Variants in KLF12 observed in about 807,000 individuals in gnomAD.
KLF12 encodes the protein KLF transcription factor 12.
Under a neutral mutation model 37.8 loss-of-function variants are expected in KLF12, and 9 were observed. The ratio of observed to expected loss-of-function variants is 0.24; its 90% CI spans 0.14 to 0.42. The LOEUF (loss-of-function observed/expected upper bound fraction) is 0.42, where lower values mean the gene tolerates loss of function less well. KLF12 is among the 10% of genes least tolerant of loss of function. The pLI, the probability that KLF12 is intolerant of heterozygous loss-of-function variation, is 1.00. For synonymous variants in KLF12, 208 were observed against 202.1 expected (o/e 1.03, Z -0.25); for missense variants, 411 against 516.0 (o/e 0.80, Z 1.97).
chr13:74,126,216 C>T (rs1408985105), intron 1 of KLF12, among the ~76,000 whole-genome samples: 3 of 151,922 alleles, frequency 2.0e-5, no homozygotes, highest in Non-Finnish European at 2.9e-5. Context: ...GATTACTATA[C>T]CTATATTATA....
At chr13:74,247,896 C>T in the KLF12 span, among the ~76,000 whole-genome samples, 36 of 152,166 alleles carry the variant, frequency 2.4e-4, no homozygotes, top group Non-Finnish European at 5.1e-4. Context: ...GAGAGGATCA[C>T]AGAAGCTAAT....
the KLF12 span, among the ~76,000 whole-genome samples, chr13:74,256,457 G>A: frequency 1.7e-4 from 26 of 152,164 alleles, no homozygotes; most frequent in African/African-American, 5.3e-4. Flanking sequence ...GTGGATCTGG[G>A]TGGGACTGTA....
chr13:74,100,115 G>C (rs1170495145), intron 1 of KLF12, among the ~76,000 whole-genome samples: 1 of 152,096 alleles, frequency 6.6e-6, no homozygotes, highest in African/African-American at 2.4e-5. Flanking sequence ...AGGGGTTGTG[G>C]GGGTGAAGGA....
At chr13:74,092,460 C>CT (rs1367691736) in intron 1 of KLF12, among the ~76,000 whole-genome samples, 2 of 93,398 alleles carry the variant, frequency 2.1e-5, no homozygotes, top group East Asian at 1.3e-3. Context: ...CCCGTCTCTA[C>CT]TAAAAAAAAA....
At chr13:74,056,810 C>T (rs1350403384) in intron 1 of KLF12, among the ~76,000 whole-genome samples, 2 of 152,122 alleles carry the variant, frequency 1.3e-5, no homozygotes, top group African/African-American at 4.8e-5. Flanking sequence ...GCCATGTCTG[C>T]CTTTTTTGGG....
intron 3 of KLF12, among the ~76,000 whole-genome samples, chr13:73,907,415 T>A (rs1022543688): frequency 3.3e-5 from 5 of 152,216 alleles, no homozygotes; most frequent in Admixed American, 3.3e-4. Flanking sequence ...GCTCTACTGA[T>A]CTAAATTCTG....
At chr13:73,721,436 CAT>C (rs1428688676) in intron 6 of KLF12, among the ~76,000 whole-genome samples, 1 of 152,214 alleles carries the variant, frequency 6.6e-6, no homozygotes, top group East Asian at 1.9e-4. Context: ...AACGATAAGA[CAT>C]ATACTTTTCT....
chr13:74,064,423 C>T (rs1873790758), intron 1 of KLF12, among the ~76,000 whole-genome samples: 1 of 151,932 alleles, frequency 6.6e-6, no homozygotes, highest in Non-Finnish European at 1.5e-5. Flanking sequence ...ATTATAAAGT[C>T]ACATAACTTT....
At chr13:74,198,762 A>C in the KLF12 span, among the ~76,000 whole-genome samples, 1 of 152,180 alleles carries the variant, frequency 6.6e-6, no homozygotes, top group Admixed American at 6.5e-5. Flanking sequence ...AGTGGCTGAG[A>C]GAGGGCTCAT....
intron 1 of KLF12, among the ~76,000 whole-genome samples, chr13:74,019,533 T>C (rs927321974): frequency 8.5e-5 from 13 of 152,248 alleles, no homozygotes; most frequent in Non-Finnish European, 1.5e-4. Context: ...TAGGTCTTTT[T>C]AACTTACAAG....
intron 3 of KLF12, among the ~76,000 whole-genome samples, chr13:73,904,469 C>CTTTTTTTTTTTTTTT (rs11342071): frequency 3.0e-4 from 28 of 92,016 alleles, no homozygotes; most frequent in Non-Finnish European, 4.6e-4. Flanking sequence ...TCTTTCTTTC[C>CTTTTTTTTTTTTTTT]TTTTTTTTTT....
chr13:74,276,009 G>A, the KLF12 span, among the ~76,000 whole-genome samples: 6,114 of 148,708 alleles, frequency 0.041, 407 homozygotes, highest in African/African-American at 0.14. Context: ...TGTGCAGAAC[G>A]TGCAGGTTTC....
intron 6 of KLF12, among the ~76,000 whole-genome samples, chr13:73,759,909 T>C (rs1364159100): frequency 6.6e-6 from 1 of 152,230 alleles, no homozygotes; most frequent in Non-Finnish European, 1.5e-5. Flanking sequence ...GAAAAAGGTT[T>C]AAGCAAGAAA....
intron 2 of KLF12, among the ~76,000 whole-genome samples, chr13:73,954,197 C>G (rs2031428): frequency 0.079 from 11,984 of 151,888 alleles, 651 homozygotes; most frequent in Non-Finnish European, 0.11. Flanking sequence ...CCAGGATGGT[C>G]TCGGTCTCCT....
intron 2 of KLF12, among the ~76,000 whole-genome samples, chr13:73,958,721 T>G (rs933210101): frequency 5.9e-5 from 9 of 152,154 alleles, no homozygotes; most frequent in African/African-American, 2.2e-4. Context: ...TGATCTTACC[T>G]GTAGTTTCCA....
chr13:73,934,960 T>C (rs1889860630), intron 3 of KLF12, among the ~76,000 whole-genome samples: 1 of 144,496 alleles, frequency 6.9e-6, no homozygotes, highest in Non-Finnish European at 1.5e-5. Context: ...ATTATTTATT[T>C]ATTTATTTAT....
chr13:73,713,515 C>T (rs780970681), intron 7 of KLF12, among the ~76,000 whole-genome samples: 4 of 152,200 alleles, frequency 2.6e-5, no homozygotes, highest in African/African-American at 7.2e-5. Context: ...AAATATGACA[C>T]GCAAGGGGTT....
the KLF12 span, among the ~76,000 whole-genome samples, chr13:74,282,161 G>C: frequency 0.023 from 3,562 of 152,276 alleles, 124 homozygotes; most frequent in African/African-American, 0.079. Context: ...AGGCTCCTCT[G>C]TGGGGCAGCT....
At chr13:73,817,272 C>G (rs1001991969) in intron 4 of KLF12, among the ~76,000 whole-genome samples, 4 of 146,646 alleles carry the variant, frequency 2.7e-5, no homozygotes, top group African/African-American at 1.0e-4. Context: ...GAGCTACGAT[C>G]ACACCACTGC....
Sources: allele counts gnomAD v4.1 joint callset (sites outside exome capture counted in the v4.1 genomes callset), GRCh38; gene constraint gnomAD v4.1.1; transcripts MANE v1.5; gene names NCBI Gene and HGNC (gene_info 2026-07-23, HGNC 2026-07-21).